The following ASTN2 variants were observed in gnomAD, a reference collection of about 807,000 sequenced individuals.
The protein encoded by ASTN2 is astrotactin 2, also known as astrotactin-2.
ASTN2 carries 54 observed loss-of-function variants against 139.8 expected under a neutral mutation model. The observed-to-expected ratio is 0.39, with a 90% CI of 0.31 to 0.48. The LOEUF is 0.48. ASTN2 is among the 20% of genes least tolerant of loss of function. ASTN2 has a pLI of 0.95. For missense variants in ASTN2, 1,565 were observed against 1,725.1 expected (o/e 0.91, Z 1.64); for synonymous variants, 756 against 719.5 (o/e 1.05, Z -0.81).
chr9:116,719,449 T>C lies in ASTN2; in HGVS notation c.2806+6322A>G, dbSNP rs553698349. Among the ~76,000 whole-genome samples the C allele has an allele frequency of 3.0e-4, 46 of 152,224 alleles. No individual in the cohort carries two copies. In the South Asian group the frequency reaches 7.5e-3, roughly 25 times the overall value. On this transcript the variant is annotated intron_variant, in intron 16 of 22. Transcript: ENST00000313400. ...CTGGGATCAAGCAATTTGAAGTCAGTGCTCTCAGATCTTGAGAGAGGGTGT... is the reference window on the plus strand; with the variant it reads ...CTGGGATCAAGCAATTTGAAGTCAGCGCTCTCAGATCTTGAGAGAGGGTGT...
At chr9:116,490,484 T>C (rs1849484007) in intron 19 of ASTN2, among the ~76,000 whole-genome samples, 2 of 151,974 alleles carry the variant, frequency 1.3e-5, no homozygotes, top group Non-Finnish European at 2.9e-5. Context: ...AGATAGCCAA[T>C]GAGAGAGCTG....
intron 2 of ASTN2, among the ~76,000 whole-genome samples, chr9:117,282,997 T>TG (rs1198598537): frequency 3.4e-5 from 5 of 148,654 alleles, no homozygotes; most frequent in Admixed American, 2.0e-4. Flanking sequence ...TTTTTTTTTT[T>TG]GGAAACTCTT....
rs1232880029 is a variant in ASTN2 at position 116,746,866 on chromosome 9, G to C, written c.2397-13343C>G. On this transcript the variant is annotated intron_variant, in intron 13 of 22. Coordinates refer to ENST00000313400, the MANE Select transcript of ASTN2 (RefSeq NM_001365068.1). Reference sequence around the variant, plus strand: ...AAGAACTACGTCTGTCTTATTCACTGCTGTGCACCCAGCCCTAACGCAGTG... The same window carrying C: ...AAGAACTACGTCTGTCTTATTCACTCCTGTGCACCCAGCCCTAACGCAGTG... Among the ~76,000 whole-genome samples, 4 of 152,162 alleles carry C rather than the reference G, an allele frequency of 2.6e-5. No homozygotes were observed. The East Asian group carries it at 7.7e-4, about 29-fold the overall frequency.
chr9:117,030,419 C>A (rs1838213747), intron 6 of ASTN2, among the ~76,000 whole-genome samples: 1 of 152,208 alleles, frequency 6.6e-6, no homozygotes, highest in Admixed American at 6.5e-5. Flanking sequence ...TGGACTCAAT[C>A]TGCTATCAAA....
At chr9:116,668,586 G>C (rs1450881697) in intron 16 of ASTN2, among the ~76,000 whole-genome samples, 1 of 152,174 alleles carries the variant, frequency 6.6e-6, no homozygotes, top group African/African-American at 2.4e-5. Context: ...ATAGTACATT[G>C]TCTGGATGTA....
intron 5 of ASTN2, among the ~76,000 whole-genome samples, chr9:117,062,806 G>A (rs147393708): frequency 0.021 from 3,137 of 152,264 alleles, 36 homozygotes; most frequent in Middle Eastern, 0.048. Context: ...CTAGTGAAAG[G>A]AATACTGTTC....
intron 17 of ASTN2, among the ~76,000 whole-genome samples, chr9:116,626,566 T>C (rs1465191755): frequency 1.3e-5 from 2 of 152,040 alleles, no homozygotes; most frequent in South Asian, 2.1e-4. Flanking sequence ...TGAAAGGAAA[T>C]TGGGGTGGGC....
At chr9:117,044,178 T>C (rs981281258) in intron 5 of ASTN2, among the ~76,000 whole-genome samples, 1 of 152,182 alleles carries the variant, frequency 6.6e-6, no homozygotes. Context: ...GAATCATCTA[T>C]TTGTCCAACA....
intron 11 of ASTN2, among the ~76,000 whole-genome samples, chr9:116,843,598 G>C (rs1021676340): frequency 2.0e-5 from 3 of 150,906 alleles, no homozygotes; most frequent in Non-Finnish European, 4.4e-5. Context: ...GGCAGATGTT[G>C]CAGTGAGCCA....
chr9:117,073,251 G>A (rs1486084191), intron 5 of ASTN2, among the ~76,000 whole-genome samples: 1 of 152,102 alleles, frequency 6.6e-6, no homozygotes, highest in Non-Finnish European at 1.5e-5. Flanking sequence ...GACCAGGCCT[G>A]GCTGACCTCC....
rs564587419 is a variant in ASTN2 at position 117,146,360 on chromosome 9, G to A, written c.1016-4882C>T. ...CTGCCTCTTTCTAATTGACATATAA[G>A]AGATTGTCAAGCTTAATGGTAATAA... On this transcript the variant is annotated intron_variant, in intron 3 of 22. Transcript: ENST00000313400. 3.3e-5 allele frequency among the ~76,000 whole-genome samples: 5 copies of A among 151,514 alleles called. No homozygotes were observed. In the East Asian group the frequency reaches 5.9e-4, roughly 18 times the overall value.
At chr9:117,302,855 G>A (rs1834909524) in intron 1 of ASTN2, among the ~76,000 whole-genome samples, 1 of 152,288 alleles carries the variant, frequency 6.6e-6, no homozygotes, top group African/African-American at 2.4e-5. Flanking sequence ...TTTATATGAT[G>A]AATTAATCCC....
intron 6 of ASTN2, among the ~76,000 whole-genome samples, chr9:117,022,847 G>A (rs1420939231): frequency 1.3e-5 from 2 of 152,132 alleles, no homozygotes; most frequent in Admixed American, 1.3e-4. Context: ...GGGCAGAGGG[G>A]CTGCGTCTGA....
chr9:116,726,594 A>T (rs1828630590), intron 15 of ASTN2, among the ~76,000 whole-genome samples: 2 of 152,166 alleles, frequency 1.3e-5, no homozygotes, highest in African/African-American at 4.8e-5. Flanking sequence ...TTCCTGGTTT[A>T]GCTTCCTGTA....
At chr9:117,194,148 G>A (rs1831426698) in intron 3 of ASTN2, among the ~76,000 whole-genome samples, 1 of 152,166 alleles carries the variant, frequency 6.6e-6, no homozygotes. Context: ...CCATAGAAAT[G>A]GCAGGGGTAA....
chr9:116,969,975 G>T (rs914878322), intron 10 of ASTN2, among the ~76,000 whole-genome samples: 2 of 152,200 alleles, frequency 1.3e-5, no homozygotes, highest in African/African-American at 4.8e-5. Context: ...TCCCTCTGGA[G>T]CCTCTGGGGA....
At chr9:116,678,941 GT>G in intron 16 of ASTN2, among the ~76,000 whole-genome samples, 1 of 152,246 alleles carries the variant, frequency 6.6e-6, no homozygotes, top group East Asian at 1.9e-4. Context: ...ATGAAATTTG[GT>G]TTTCTCTTTT....
intron 4 of ASTN2, among the ~76,000 whole-genome samples, chr9:117,106,975 C>G (rs1165322308): frequency 2.0e-5 from 3 of 152,036 alleles, no homozygotes; most frequent in African/African-American, 7.2e-5. Flanking sequence ...TGTATCTATA[C>G]CTACATATAC....
At chr9:117,072,168 C>A (rs1335099055) in intron 5 of ASTN2, among the ~76,000 whole-genome samples, 1 of 152,200 alleles carries the variant, frequency 6.6e-6, no homozygotes, top group East Asian at 1.9e-4. Context: ...GGGCCTCCTA[C>A]AAGATACCCC....
Sources: allele counts gnomAD v4.1 joint callset (sites outside exome capture counted in the v4.1 genomes callset), GRCh38; gene constraint gnomAD v4.1.1; transcripts MANE v1.5; gene names NCBI Gene and HGNC (gene_info 2026-07-23, HGNC 2026-07-21).